Variants in SPEF2 observed in about 807,000 individuals in gnomAD.
The protein encoded by SPEF2 is sperm flagella and cilia-associated protein 2.
Under a neutral mutation model 224.6 loss-of-function variants are expected in SPEF2, and 187 were observed. The ratio of observed to expected loss-of-function variants is 0.83; its 90% CI spans 0.74 to 0.94. SPEF2 has a LOEUF of 0.94. SPEF2 is among the 40% of genes least tolerant of loss of function. The pLI, the probability that SPEF2 is intolerant of heterozygous loss-of-function variation, is 0.00. For missense variants in SPEF2, 2,170 were observed against 2,135.6 expected, an observed-to-expected ratio of 1.02 and a Z score of -0.32; for synonymous variants, 715 against 707.3, an observed-to-expected ratio of 1.01 and a Z score of -0.17.
intron 2 of SPEF2, among the ~76,000 whole-genome samples, chr5:35,639,134 A>G (rs1475235068): frequency 5.9e-5 from 9 of 152,218 alleles, no homozygotes; most frequent in Admixed American, 5.9e-4. Context: ...CAATCTGAAC[A>G]GAGGGTAGAT....
chr5:35,773,436 C>A (rs773654201), intron 27 of SPEF2, among the ~76,000 whole-genome samples: 4 of 152,124 alleles, frequency 2.6e-5, no homozygotes, highest in Non-Finnish European at 5.9e-5. Context: ...CCGCATTTCA[C>A]CCACATCTTC....
At chr5:35,629,210 G>A (rs13184891) in intron 2 of SPEF2, among the ~76,000 whole-genome samples, 3 of 132,014 alleles carry the variant, frequency 2.3e-5, no homozygotes, top group African/African-American at 8.9e-5. Flanking sequence ...TTGGAGTGCA[G>A]TGGTGTGATC....
intron 2 of SPEF2, among the ~76,000 whole-genome samples, chr5:35,633,478 A>G (rs1745409836): frequency 6.6e-6 from 1 of 151,878 alleles, no homozygotes; most frequent in Non-Finnish European, 1.5e-5. Context: ...TATTTGCTTG[A>G]TATATGTTTT....
Position 35,763,581 on chromosome 5 carries a change from C to T in SPEF2, c.3680C>T (p.Thr1227Ile), listed in dbSNP as rs886909517. 2 of 1,612,678 alleles carry T rather than the reference C, an allele frequency of 1.2e-6. No homozygotes were observed. Among genetic ancestry groups the T allele is most frequent in the African/African-American group, 1.3e-5 (1 of 74,850 alleles). ...SLETVTPKPK[T>I]KSVLKGKMDN... ...GAAACAGTTACACCCAAACCAAAAA[C>T]AAAATCAGTACTGAAGGGCAAGATG... Residue 1227 changes from threonine to isoleucine, a missense_variant, in exon 26 of 37, where the codon ACA becomes ATA. Transcript: ENST00000356031.
At chr5:35,774,132 A>T in intron 28 of SPEF2, 111 bp downstream of exon 28, 1 of 1,391,832 alleles carries the variant, frequency 7.2e-7, no homozygotes, top group Non-Finnish European at 9.7e-7. Context: ...GAGAACATAC[A>T]GCAAAGAGGT....
chr5:35,764,097 A>G (rs762251789), intron 26 of SPEF2, among the ~76,000 whole-genome samples: 1 of 152,156 alleles, frequency 6.6e-6, no homozygotes, highest in Non-Finnish European at 1.5e-5. Flanking sequence ...AGATTTTCCA[A>G]TTTTCCAAGA....
chr5:35,650,375 A>G (rs1302310890), intron 6 of SPEF2, among the ~76,000 whole-genome samples: 1 of 152,058 alleles, frequency 6.6e-6, no homozygotes, highest in Non-Finnish European at 1.5e-5. Context: ...TGTAAAAACA[A>G]CATAATCCAA....
At chr5:35,783,458 T>C (rs1754626952) in intron 30 of SPEF2, among the ~76,000 whole-genome samples, 1 of 152,154 alleles carries the variant, frequency 6.6e-6, no homozygotes, top group African/African-American at 2.4e-5. Flanking sequence ...TTAGAAAGAG[T>C]ATAGCACATA....
At chr5:35,728,700 C>A (rs1370085284) in intron 21 of SPEF2, among the ~76,000 whole-genome samples, 1 of 152,106 alleles carries the variant, frequency 6.6e-6, no homozygotes, top group African/African-American at 2.4e-5. Flanking sequence ...TCAACACAAA[C>A]ACAGTAGAGA....
intron 8 of SPEF2, among the ~76,000 whole-genome samples, chr5:35,660,993 C>T (rs1460133594): frequency 6.6e-6 from 1 of 151,994 alleles, no homozygotes; most frequent in Non-Finnish European, 1.5e-5. Flanking sequence ...AGTTCCTTGG[C>T]ATCTCTCCCT....
In SPEF2 at chr5:35,803,897, A is replaced by G. The variant is rs565863425; in HGVS notation, c.5011-2810A>G. Among the ~76,000 whole-genome samples, 152 of 152,208 alleles carry G rather than the reference A, an allele frequency of 1.0e-3. 1 individual carries two copies. Among genetic ancestry groups the G allele is most frequent in the Non-Finnish European group, 1.4e-3 (92 of 68,030 alleles). ...CGGCTCAGGCCTTCTGCTTAAAGCC[A>G]CAGCTTCTTGGGTAATTTAAAAGAA... On this transcript the variant is annotated intron_variant, in intron 34 of 36. Transcript: ENST00000356031.
At chr5:35,788,797 G>A (rs573951969) in intron 30 of SPEF2, 37 of 702,886 alleles carry the variant, frequency 5.3e-5, no homozygotes, top group African/African-American at 3.5e-5. Flanking sequence ...CTTACAAAGC[G>A]GTGTTCCAGA....
intron 36 of SPEF2, chr5:35,807,971 TC>T (rs1301596521): frequency 2.9e-6 from 4 of 1,363,204 alleles, no homozygotes; most frequent in Non-Finnish European, 3.8e-6. Context: ...CCTGTTTGAC[TC>T]CTGTGAGTTG....
intron 20 of SPEF2, among the ~76,000 whole-genome samples, chr5:35,723,114 A>G (rs924958767): frequency 1.3e-4 from 20 of 152,160 alleles, no homozygotes; most frequent in African/African-American, 4.8e-5. Flanking sequence ...GCTCCTCCCC[A>G]CACAAATGGC....
chr5:35,711,580 C>T (rs1405860399), intron 19 of SPEF2, among the ~76,000 whole-genome samples: 2 of 147,122 alleles, frequency 1.4e-5, no homozygotes, highest in Non-Finnish European at 3.0e-5. Context: ...TCTTTCCCTC[C>T]CTCTCTCCCT....
At chr5:35,674,007 C>T (rs1403587479) in intron 10 of SPEF2, among the ~76,000 whole-genome samples, 1 of 152,024 alleles carries the variant, frequency 6.6e-6, no homozygotes, top group Non-Finnish European at 1.5e-5. Context: ...ATTGTGTGGC[C>T]CAAAGACATC....
At chr5:35,761,862 T>C (rs1239385652) in intron 25 of SPEF2, among the ~76,000 whole-genome samples, 1 of 152,178 alleles carries the variant, frequency 6.6e-6, no homozygotes, top group Non-Finnish European at 1.5e-5. Flanking sequence ...ATCCAGTTCT[T>C]ATTTCCTGCG....
At chr5:35,690,495 A>T (rs1445348531) in intron 10 of SPEF2, among the ~76,000 whole-genome samples, 1 of 152,124 alleles carries the variant, frequency 6.6e-6, no homozygotes, top group South Asian at 2.1e-4. Context: ...CTATATTTCT[A>T]AAATCAACTT....
At chr5:35,734,238 C>T (rs1399852060) in intron 21 of SPEF2, among the ~76,000 whole-genome samples, 1 of 152,184 alleles carries the variant, frequency 6.6e-6, no homozygotes. Flanking sequence ...TACTTTGTTT[C>T]ACCAAGCCCT....
Sources: allele counts gnomAD v4.1 joint callset (sites outside exome capture counted in the v4.1 genomes callset), GRCh38; gene constraint gnomAD v4.1.1; transcripts MANE v1.5; gene names NCBI Gene and HGNC (gene_info 2026-07-23, HGNC 2026-07-21).